KAZN: variants seen among roughly 807,000 people sequenced by gnomAD.
KAZN encodes the protein kazrin, periplakin interacting protein.
A neutral mutation model predicts 87.4 loss-of-function variants in KAZN; 40 were observed. That is an observed-to-expected ratio of 0.46 (90% CI 0.36 to 0.60). KAZN has a LOEUF of 0.60. KAZN is among the 20% of genes least tolerant of loss of function. The pLI is 0.00. For synonymous variants in KAZN, 466 were observed against 458.3 expected (o/e 1.02, Z -0.22); for missense variants, 898 against 1,073.9 (o/e 0.84, Z 2.29).
chr1:14,392,278 G>A (rs1332974998), intron 2 of KAZN, among the ~76,000 whole-genome samples: 3 of 152,118 alleles, frequency 2.0e-5, no homozygotes, highest in African/African-American at 4.8e-5. Context: ...TATATGGGGT[G>A]GACATGTACA....
At chr1:14,137,369 A>G (rs1645129874) in intron 1 of KAZN, among the ~76,000 whole-genome samples, 1 of 152,130 alleles carries the variant, frequency 6.6e-6, no homozygotes, top group Non-Finnish European at 1.5e-5. Flanking sequence ...GCTGCACTAT[A>G]CTTGCTCTTC....
intron 2 of KAZN, among the ~76,000 whole-genome samples, chr1:14,498,729 A>G (rs1670084961): frequency 6.6e-6 from 1 of 151,962 alleles, no homozygotes; most frequent in Non-Finnish European, 1.5e-5. Context: ...AAGAAAAAAA[A>G]TGGAGAGTGG....
intron 1 of KAZN, among the ~76,000 whole-genome samples, chr1:14,903,553 A>G (rs1656169685): frequency 6.6e-6 from 1 of 152,140 alleles, no homozygotes. Flanking sequence ...TACATTTGCC[A>G]GATGGGCAGA....
At chr1:14,311,799 T>C (rs1655323235) in intron 2 of KAZN, among the ~76,000 whole-genome samples, 2 of 152,028 alleles carry the variant, frequency 1.3e-5, no homozygotes, top group South Asian at 4.1e-4. Flanking sequence ...CAGGGAATAA[T>C]ATCCTAGTGA....
chr1:15,076,281 T>C (rs1184454375), intron 8 of KAZN, among the ~76,000 whole-genome samples: 1 of 152,180 alleles, frequency 6.6e-6, no homozygotes, highest in South Asian at 2.1e-4. Context: ...CCTTGCATCT[T>C]TTCACATGTG....
At chr1:14,505,524 G>A (rs973618221) in intron 2 of KAZN, among the ~76,000 whole-genome samples, 2 of 152,068 alleles carry the variant, frequency 1.3e-5, no homozygotes, top group Non-Finnish European at 2.9e-5. Flanking sequence ...GACACAAAAG[G>A]ACAAATACTC....
chr1:14,804,766 AAGTTCTG>A (rs570222646), intron 1 of KAZN, among the ~76,000 whole-genome samples: 20 of 142,832 alleles, frequency 1.4e-4, no homozygotes, highest in Non-Finnish European at 2.3e-4. Context: ...GCAGGATGCT[AAGTTCTG>A]AGTGGCAGAT....
At chr1:14,251,842 T>A (rs1382494800) in intron 2 of KAZN, among the ~76,000 whole-genome samples, 2 of 151,726 alleles carry the variant, frequency 1.3e-5, no homozygotes, top group African/African-American at 2.4e-5. Context: ...AGAGACGGGG[T>A]CTCACTATGT....
intron 2 of KAZN, among the ~76,000 whole-genome samples, chr1:14,399,385 C>G (rs1195203383): frequency 8.5e-5 from 13 of 152,064 alleles, no homozygotes. Context: ...TTGCTGCTTA[C>G]CAACTACATG....
intron 2 of KAZN, among the ~76,000 whole-genome samples, chr1:14,292,926 C>T (rs1051623147): frequency 3.3e-5 from 5 of 152,194 alleles, no homozygotes; most frequent in Admixed American, 6.5e-5. Flanking sequence ...AGGAATACCA[C>T]AGGCATGTAC....
At chr1:14,717,316 A>C (rs927421483) in intron 1 of KAZN, among the ~76,000 whole-genome samples, 4 of 151,976 alleles carry the variant, frequency 2.6e-5, no homozygotes, top group African/African-American at 7.2e-5. Flanking sequence ...CGAGAAAGAC[A>C]CATCTCTACC....
At position 15,056,014 on chromosome 1, in the gene KAZN, G is replaced by A. The variant is rs1465586641; in HGVS notation, c.727-77G>A. On this transcript the variant is annotated intron_variant, in intron 4 of 14. Coordinates refer to ENST00000376030, the MANE Select transcript of KAZN (RefSeq NM_201628.3). The surrounding 1 kb of genome is among the most constrained non-coding windows in gnomAD (Gnocchi z 5.4). Reference sequence around the variant, plus strand: ...AGGATCCGGGCTTTCTCCCCATGGCGGTGGGTGGTGCCAAGCAGCTGGCCA... The same window carrying A: ...AGGATCCGGGCTTTCTCCCCATGGCAGTGGGTGGTGCCAAGCAGCTGGCCA... The A allele has an allele frequency of 1.4e-5, 20 of 1,408,158 alleles. No individual in the cohort carries two copies. The highest frequency in any genetic ancestry group is 4.2e-5 in the African/African-American group (3 of 70,944). 87.2% of individuals were successfully genotyped at this position (1,408,158 alleles called of 1,614,324 possible).
At position 14,797,835 on chromosome 1, in the gene KAZN, T is replaced by C. The variant is rs74059369; in HGVS notation, c.227-162849T>C. ...TCATTGAGTAGCCGTGAGGATTCAATGAAATAGTCCTTGTGGAGTGCTTAG... is the reference window on the plus strand; with the variant it reads ...TCATTGAGTAGCCGTGAGGATTCAACGAAATAGTCCTTGTGGAGTGCTTAG... On this transcript the variant is annotated intron_variant, in intron 1 of 14. Coordinates refer to ENST00000376030, the MANE Select transcript of KAZN (RefSeq NM_201628.3). 9.8e-4 allele frequency among the ~76,000 whole-genome samples: 149 copies of C among 152,280 alleles called. 1 individual carries two copies. The highest frequency in any genetic ancestry group is 3.4e-3 in the African/African-American group (141 of 41,554).
chr1:14,971,681 C>CTTTTT (rs1009399616), intron 2 of KAZN, among the ~76,000 whole-genome samples: 23 of 104,826 alleles, frequency 2.2e-4, no homozygotes, highest in Admixed American at 3.9e-4. Flanking sequence ...TTTTCTTTTT[C>CTTTTT]TTTTTTTTTT....
At chr1:14,637,221 G>A (rs1393397723) in intron 1 of KAZN, among the ~76,000 whole-genome samples, 1 of 151,862 alleles carries the variant, frequency 6.6e-6, no homozygotes, top group African/African-American at 2.4e-5. Context: ...GATGTAAATG[G>A]GAATGATGGG....
intron 1 of KAZN, among the ~76,000 whole-genome samples, chr1:14,941,621 GT>G (rs1403843335): frequency 6.6e-6 from 1 of 152,156 alleles, no homozygotes; most frequent in Non-Finnish European, 1.5e-5. Context: ...CTTTCTGCAG[GT>G]GTACATGCAG....
At chr1:14,383,796 T>C (rs1483712409) in intron 2 of KAZN, among the ~76,000 whole-genome samples, 1 of 152,126 alleles carries the variant, frequency 6.6e-6, no homozygotes, top group Non-Finnish European at 1.5e-5. Flanking sequence ...CTTGGCTATA[T>C]GGGCTCTTTT....
chr1:14,365,179 T>G (rs1345245580), intron 2 of KAZN, among the ~76,000 whole-genome samples: 1 of 151,860 alleles, frequency 6.6e-6, no homozygotes, highest in Non-Finnish European at 1.5e-5. Context: ...GAGTAGCTGG[T>G]ACTACAAGTG....
At position 14,866,362 on chromosome 1, in the gene KAZN, G is replaced by A. The variant is rs191224477; in HGVS notation, c.227-94322G>A. 1.5e-3 allele frequency among the ~76,000 whole-genome samples: 235 copies of A among 152,308 alleles called. 2 individuals carry two copies. The highest frequency in any genetic ancestry group is 6.8e-3 in the Middle Eastern group (2 of 294). On this transcript the variant is annotated intron_variant, in intron 1 of 14. Transcript: ENST00000376030. ...GAGAGCCCCTTCCTCAGTCCCATAA[G>A]CTCCTGGTCAAGGTCTATGCCCATC...
Sources: gnomAD v4.1 joint callset for allele counts (sites outside exome capture counted in the v4.1 genomes callset) on GRCh38, gnomAD v4.1.1 for gene constraint, Gnocchi (gnomAD v3.1) non-coding constraint, MANE v1.5 for transcripts, NCBI Gene and HGNC (gene_info 2026-07-23, HGNC 2026-07-21) for gene names.